Variants in PDE6G observed in about 807,000 individuals in gnomAD.
PDE6G encodes rod cGMP 3',5'-cyclic phosphodiesterase subunit gamma.
Under a neutral mutation model 10.9 loss-of-function variants are expected in PDE6G, and 10 were observed. The ratio of observed to expected loss-of-function variants is 0.91; its 90% CI spans 0.56 to 1.55. The LOEUF (loss-of-function observed/expected upper bound fraction) is 1.55. PDE6G is among the 40% of genes most tolerant of loss of function. The pLI, the probability that PDE6G is intolerant of heterozygous loss-of-function variation, is 0.00. For missense variants in PDE6G, 102 were observed against 110.1 expected (o/e 0.93, Z 0.33); for synonymous variants, 41 against 42.8 (o/e 0.96, Z 0.16).
chr17:81,656,440 C>T (rs1419264072), intron 1 of PDE6G, 53 bp downstream of exon 1: 11 of 730,754 alleles, frequency 1.5e-5, no homozygotes, highest in Non-Finnish European at 2.7e-5. Flanking sequence ...CCCCCACTGA[C>T]TCACTGGGGG....
At chr17:81,659,152 T>TG, upstream of PDE6G, among the ~76,000 whole-genome samples, 1 of 37,078 alleles carries the variant, frequency 2.7e-5, no homozygotes, top group South Asian at 1.6e-3. Context: ...AATCCATATC[T>TG]TTTTTTTTTT....
At chr17:81,657,830 G>C (rs527428208), upstream of PDE6G, among the ~76,000 whole-genome samples, 1 of 151,778 alleles carries the variant, frequency 6.6e-6, no homozygotes, top group South Asian at 2.1e-4. Context: ...GCAGTGAGCC[G>C]AGATCGCGCC....
chr17:81,656,598 T>G (rs933726532), upstream of PDE6G: 1 of 744,070 alleles, frequency 1.3e-6, no homozygotes, highest in African/African-American at 1.7e-5. Context: ...TGATTAGGCG[T>G]CTCAGTGCCA....
chr17:81,651,755 C>A lies in PDE6G; in HGVS notation c.147-70G>T. 6.6e-7 allele frequency: 1 copy of A among 1,512,440 alleles called. No homozygotes were observed. Among genetic ancestry groups the A allele is most frequent in the South Asian group, 1.2e-5 (1 of 86,902 alleles). The allele number at this position is 1,512,440 out of a possible 1,614,324, so 93.7% of individuals were successfully genotyped here. A position where few individuals can be genotyped will look rare whatever the true frequency, so the allele number is the denominator to read the frequency against. On this transcript the variant is annotated intron_variant, in intron 2 of 3. Coordinates refer to ENST00000331056, the MANE Select transcript of PDE6G (RefSeq NM_002602.4). This position sits in a 1 kb window ranked among gnomAD's most constrained non-coding sequence, Gnocchi z 4.8. ...GCTCAGTCAGCCTGAGGCCCGAGGT[C>A]ATCTCTAGCCTTCCTAGGAGATGAG...
At chr17:81,656,979 A>T, upstream of PDE6G, 1 of 219,760 alleles carries the variant, frequency 4.6e-6, no homozygotes, top group South Asian at 6.3e-5. Flanking sequence ...CCAAACAAGG[A>T]CCCCCCCCCG....
At chr17:81,658,253 T>G (rs1457545794), upstream of PDE6G, among the ~76,000 whole-genome samples, 1 of 151,664 alleles carries the variant, frequency 6.6e-6, no homozygotes, top group Non-Finnish European at 1.5e-5. Context: ...CCCAGCTAAT[T>G]TTTAATATTT....
intron 2 of PDE6G, among the ~76,000 whole-genome samples, chr17:81,652,240 G>T (rs1351124094): frequency 3.9e-5 from 6 of 152,296 alleles, no homozygotes; most frequent in African/African-American, 1.4e-4. Flanking sequence ...ACTCCTCGGT[G>T]CATTGTGCCA....
upstream of PDE6G, among the ~76,000 whole-genome samples, chr17:81,661,390 CA>C (rs754344865): frequency 2.8e-4 from 43 of 152,276 alleles, no homozygotes; most frequent in Non-Finnish European, 5.4e-4. Flanking sequence ...GGCAGGTCCC[CA>C]GTGAAACCCC....
At chr17:81,658,409 G>A (rs1318667584), upstream of PDE6G, among the ~76,000 whole-genome samples, 4 of 152,070 alleles carry the variant, frequency 2.6e-5, no homozygotes, top group Non-Finnish European at 5.9e-5. Flanking sequence ...TATAGACCCA[G>A]CTACTTGGGA....
At chr17:81,662,875 T>C (rs1184080613) in intron 1 of PDE6G, among the ~76,000 whole-genome samples, 1 of 152,192 alleles carries the variant, frequency 6.6e-6, no homozygotes, top group African/African-American at 2.4e-5. Context: ...GGCACGCGCC[T>C]GTAGTCCCAG....
chr17:81,651,267 C>T lies in PDE6G; in HGVS notation c.188-117G>A, dbSNP rs1598716667. ...AGCCCTACAGTGTGCTGAGCGGGGACGTGCGGACGCTGGAGTGGGGCCCTC... is the reference window on the plus strand; with the variant it reads ...AGCCCTACAGTGTGCTGAGCGGGGATGTGCGGACGCTGGAGTGGGGCCCTC... On this transcript the variant is annotated intron_variant, in intron 3 of 3. Transcript: ENST00000331056. This position sits in a 1 kb window ranked among gnomAD's most constrained non-coding sequence, Gnocchi z 4.8. 4 of 769,016 alleles carry T rather than the reference C, an allele frequency of 5.2e-6. No homozygotes were observed. The highest frequency in any genetic ancestry group is 4.0e-5 in the Admixed American group (2 of 49,678). The allele number at this position is 769,016 out of a possible 1,614,324, so 47.6% of individuals were successfully genotyped here.
At position 81,653,578 on chromosome 17, in the gene PDE6G, C is replaced by G; in HGVS notation, c.-59-214G>C. On this transcript the variant is annotated intron_variant, in intron 1 of 3. Coordinates refer to ENST00000331056, the MANE Select transcript of PDE6G (RefSeq NM_002602.4). The surrounding 1 kb of genome is among the most constrained non-coding windows in gnomAD (Gnocchi z 5.2). Reference sequence around the variant, plus strand: ...ATTCCCCTTGCCTAGTGGATGCCCCCCTGCAACGCTGGCCACACACAGCTC... The same window carrying G: ...ATTCCCCTTGCCTAGTGGATGCCCCGCTGCAACGCTGGCCACACACAGCTC... 2 of 510,604 alleles carry G rather than the reference C, an allele frequency of 3.9e-6. No homozygotes were observed. Among genetic ancestry groups the G allele is most frequent in the Non-Finnish European group, 7.2e-6 (2 of 278,744 alleles). The allele number at this position is 510,604 out of a possible 1,614,324, so 31.6% of individuals were successfully genotyped here. A position where few individuals can be genotyped will look rare whatever the true frequency, so the allele number is the denominator to read the frequency against.
chr17:81,659,622 G>T (rs1297586351), upstream of PDE6G, among the ~76,000 whole-genome samples: 6 of 151,954 alleles, frequency 3.9e-5, no homozygotes, highest in Non-Finnish European at 8.8e-5. Flanking sequence ...TAATAAAAAA[G>T]AAATTAAACG....
chr17:81,651,199 AC>A lies in PDE6G; in HGVS notation c.188-50del, dbSNP rs771384990. 23 of 1,376,016 alleles carry A rather than the reference AC, an allele frequency of 1.7e-5. No individual in the cohort carries two copies. The highest frequency in any genetic ancestry group is 1.6e-4 in the East Asian group (7 of 43,548). The allele number at this position is 1,376,016 out of a possible 1,614,324, so 85.2% of individuals were successfully genotyped here. ...TCAGAGAGGATCCCACGGCCTAGGG[AC>A]CCCCCCATCCCCTGTGGCCCTGTTT... On this transcript the variant is annotated intron_variant, in intron 3 of 3. Coordinates refer to ENST00000331056, the MANE Select transcript of PDE6G (RefSeq NM_002602.4). The surrounding 1 kb of genome is among the most constrained non-coding windows in gnomAD (Gnocchi z 4.8).
At chr17:81,654,268 C>A (rs2036413155) in intron 1 of PDE6G, among the ~76,000 whole-genome samples, 1 of 152,196 alleles carries the variant, frequency 6.6e-6, no homozygotes, top group African/African-American at 2.4e-5. Context: ...CCCTGAACCC[C>A]CGCCCTGCAG....
upstream of PDE6G, among the ~76,000 whole-genome samples, chr17:81,658,970 A>G (rs554131911): frequency 2.0e-5 from 3 of 152,242 alleles, no homozygotes; most frequent in African/African-American, 7.2e-5. Flanking sequence ...AATAGACCTA[A>G]ACAAAGACCC....
upstream of PDE6G, among the ~76,000 whole-genome samples, chr17:81,658,248 CT>C (rs2036474269): frequency 6.6e-6 from 1 of 151,926 alleles, no homozygotes; most frequent in Non-Finnish European, 1.5e-5. Context: ...CCACGCCCAG[CT>C]AATTTTTAAT....
At position 81,651,625 on chromosome 17, in the gene PDE6G, G is replaced by C; in HGVS notation, c.187+20C>G. On this transcript the variant is annotated intron_variant, in intron 3 of 3. Coordinates refer to ENST00000331056, the MANE Select transcript of PDE6G (RefSeq NM_002602.4). This position sits in a 1 kb window ranked among gnomAD's most constrained non-coding sequence, Gnocchi z 4.8. ...GGGGGACCTGGGCAGACCTCGGGTTGGTACTGGCAGCCGTCATACCTGTTC... is the reference window on the plus strand; with the variant it reads ...GGGGGACCTGGGCAGACCTCGGGTTCGTACTGGCAGCCGTCATACCTGTTC... The C allele has an allele frequency of 6.2e-7, 1 of 1,613,232 alleles. No individual in the cohort carries two copies.
chr17:81,655,789 T>G (rs949566407), intron 1 of PDE6G, among the ~76,000 whole-genome samples: 2 of 152,224 alleles, frequency 1.3e-5, no homozygotes, highest in African/African-American at 4.8e-5. Context: ...GATTCCTGAC[T>G]CCAGCCCTGG....
Sources: allele counts gnomAD v4.1 joint callset (sites outside exome capture counted in the v4.1 genomes callset), GRCh38; gene constraint gnomAD v4.1.1; non-coding constraint Gnocchi (gnomAD v3.1); transcripts MANE v1.5; gene names NCBI Gene and HGNC (gene_info 2026-07-23, HGNC 2026-07-21).